FMN1: variants seen among roughly 807,000 people sequenced by gnomAD.
FMN1 encodes the protein formin 1, also known as formin-1.
FMN1 carries 110 observed loss-of-function variants against 132.4 expected under a neutral mutation model. That is an observed-to-expected ratio of 0.83 (90% confidence interval 0.71 to 0.97). The LOEUF is 0.97. Ranked by LOEUF, FMN1 falls within the 50% of genes least tolerant of loss-of-function variation. The probability of loss-of-function intolerance (pLI) is 0.00; values close to 1 mark genes in which losing one functional copy is unlikely to be tolerated. For missense variants in FMN1, 1,792 were observed against 1,705.3 expected (o/e 1.05, Z -0.90); for synonymous variants, 722 against 651.7 (o/e 1.11, Z -1.64).
intron 16 of FMN1, among the ~76,000 whole-genome samples, chr15:32,870,561 C>G (rs758549555): frequency 2.0e-5 from 3 of 152,198 alleles, no homozygotes; most frequent in Middle Eastern, 6.3e-3. Context: ...CTGACTACAG[C>G]CTTTGCACGG....
At chr15:33,115,215 G>A (rs8040873) in intron 4 of FMN1, among the ~76,000 whole-genome samples, 27,673 of 152,182 alleles carry the variant, frequency 0.18, 2,864 homozygotes, top group Middle Eastern at 0.27. Flanking sequence ...GAGTACTTAA[G>A]AAATAAAGAG....
chr15:33,179,347 T>C (rs1425778898), intron 3 of FMN1, among the ~76,000 whole-genome samples: 8 of 152,206 alleles, frequency 5.3e-5, no homozygotes, highest in African/African-American at 1.9e-4. Context: ...CCATCCCTGA[T>C]AGAAAAATGA....
rs554758604 is a variant in FMN1, at chr15:33,019,253, CAG to C, written c.2162-11180_2162-11179del. On this transcript the variant is annotated intron_variant, in intron 6 of 20. Transcript: ENST00000616417. ...ACCTCCCCACTAGATTAGCTAGATA[CAG>C]AGTGTCCATTGGTGTATTTACAAAC... Among the ~76,000 whole-genome samples the C allele has an allele frequency of 2.2e-4, 34 of 152,302 alleles. No homozygotes were observed. In the South Asian group the frequency reaches 6.2e-3, roughly 28 times the overall value.
intron 8 of FMN1, among the ~76,000 whole-genome samples, chr15:32,965,299 C>T (rs908368438): frequency 6.6e-6 from 1 of 151,994 alleles, no homozygotes; most frequent in Non-Finnish European, 1.5e-5. Flanking sequence ...ACTTGGGAGG[C>T]TGAGGCAGGA....
At chr15:33,136,204 GCTGTTTA>G (rs1342781090) in intron 4 of FMN1, among the ~76,000 whole-genome samples, 1 of 152,178 alleles carries the variant, frequency 6.6e-6, no homozygotes, top group East Asian at 1.9e-4. Flanking sequence ...TTGTCCCTCT[GCTGTTTA>G]CTTAGCAAGG....
In FMN1 at chr15:32,995,688, T is replaced by C. The variant is rs192930068; in HGVS notation, c.2223+12326A>G. On this transcript the variant is annotated intron_variant, in intron 7 of 20. Transcript: ENST00000616417. ...TGGTGTTTACCAATCATGAGAGAGA[T>C]AAAGTGTAAGAAGCCAAGTTATGTA... 1.1e-4 allele frequency among the ~76,000 whole-genome samples: 17 copies of C among 152,326 alleles called. No individual in the cohort carries two copies. The East Asian group carries it at 2.9e-3, about 26-fold the overall frequency.
At chr15:33,001,543 CT>C (rs1226106916) in intron 7 of FMN1, among the ~76,000 whole-genome samples, 5 of 148,680 alleles carry the variant, frequency 3.4e-5, no homozygotes, top group East Asian at 2.0e-4. Context: ...TGCGTCCCCC[CT>C]CATCCTCCTC....
At chr15:33,010,599 A>C (rs951372505) in intron 6 of FMN1, among the ~76,000 whole-genome samples, 4 of 152,188 alleles carry the variant, frequency 2.6e-5, no homozygotes, top group Non-Finnish European at 4.4e-5. Context: ...GTAATGGATG[A>C]GAAAAAAGAC....
intron 15 of FMN1, among the ~76,000 whole-genome samples, chr15:32,892,289 C>CT (rs1378618026): frequency 6.6e-6 from 1 of 152,078 alleles, no homozygotes; most frequent in East Asian, 1.9e-4. Context: ...TTGTTGAATT[C>CT]TTTTTCTGCA....
intron 19 of FMN1, among the ~76,000 whole-genome samples, chr15:32,795,188 G>C (rs936851726): frequency 6.6e-6 from 1 of 152,110 alleles, no homozygotes. Context: ...TGACTCAAAA[G>C]AAAACAAAAC....
chr15:32,786,664 T>C lies in FMN1; in HGVS notation c.4131-9745A>G, dbSNP rs2056888983. Among the ~76,000 whole-genome samples, 4 of 152,192 alleles carry C rather than the reference T, an allele frequency of 2.6e-5. No individual in the cohort carries two copies. The South Asian group carries it at 8.3e-4, about 31-fold the overall frequency. ...TTGCCTCAGAAAGCTCAATATCACA[T>C]GGTTTATGGCATTTTGAATAGAGAA... is the stretch of plus-strand genomic sequence containing the variant. On this transcript the variant is annotated intron_variant, in intron 19 of 20. Coordinates refer to ENST00000616417, the MANE Select transcript of FMN1 (RefSeq NM_001277313.2).
intron 7 of FMN1, among the ~76,000 whole-genome samples, chr15:32,991,854 T>C (rs1303090267): frequency 6.6e-6 from 1 of 152,172 alleles, no homozygotes; most frequent in Non-Finnish European, 1.5e-5. Flanking sequence ...AGAGAGCTGC[T>C]TCTACGAACA....
At chr15:33,144,263 TAGAC>T (rs1266007123) in intron 4 of FMN1, among the ~76,000 whole-genome samples, 2 of 152,232 alleles carry the variant, frequency 1.3e-5, no homozygotes, top group African/African-American at 4.8e-5. Flanking sequence ...AGTTTGAAGC[TAGAC>T]ACTGTGGGGA....
intron 3 of FMN1, 133 bp downstream of exon 3, chr15:33,180,065 C>G (rs146050714): frequency 6.6e-6 from 1 of 152,292 alleles, no homozygotes; most frequent in African/African-American, 2.4e-5. Flanking sequence ...GTGGAATTAA[C>G]ATAACAATGT....
intron 10 of FMN1, among the ~76,000 whole-genome samples, chr15:32,911,647 A>C (rs2060564370): frequency 6.6e-6 from 1 of 152,210 alleles, no homozygotes; most frequent in African/African-American, 2.4e-5. Context: ...ATGGAACCTC[A>C]CAGAACAGCA....
intron 17 of FMN1, among the ~76,000 whole-genome samples, chr15:32,823,211 G>A (rs1411057229): frequency 1.4e-5 from 2 of 142,174 alleles, no homozygotes; most frequent in Admixed American, 1.4e-4. Context: ...ACCCAGGCTG[G>A]AGTGCAGTGG....
At position 32,774,256 on chromosome 15, in the gene FMN1, G is replaced by A. The variant is rs993951400; in HGVS notation, c.*54C>T. 8 of 1,349,322 alleles carry A rather than the reference G, an allele frequency of 5.9e-6. No individual in the cohort carries two copies. Among genetic ancestry groups the A allele is most frequent in the Non-Finnish European group, 3.1e-6 (3 of 953,482 alleles). 83.6% of individuals were successfully genotyped at this position (1,349,322 alleles called of 1,614,324 possible). On this transcript the variant is annotated 3_prime_UTR_variant, in exon 21 of 21. Transcript: ENST00000616417. ...TCCTGCAACCCTGTGGTCACAAAGA[G>A]TATGCGTGCAAGGTCCTCCACCTCC...
chr15:33,016,691 A>G (rs1391143523), intron 6 of FMN1, among the ~76,000 whole-genome samples: 1 of 152,198 alleles, frequency 6.6e-6, no homozygotes, highest in Non-Finnish European at 1.5e-5. Context: ...CACACACGTC[A>G]GCAAAAGCAC....
At chr15:32,783,763 A>G (rs1433767063) in intron 19 of FMN1, among the ~76,000 whole-genome samples, 1 of 141,670 alleles carries the variant, frequency 7.1e-6, no homozygotes, top group Non-Finnish European at 1.5e-5. Flanking sequence ...AAAAAAAAAA[A>G]AAAAAAAAAA....
Sources: allele counts gnomAD v4.1 joint callset (sites outside exome capture counted in the v4.1 genomes callset), GRCh38; gene constraint gnomAD v4.1.1; transcripts MANE v1.5; gene names NCBI Gene and HGNC (gene_info 2026-07-23, HGNC 2026-07-21).